Variants in TCF20 observed in about 807,000 individuals in gnomAD.
TCF20 encodes transcription factor 20.
TCF20 carries 3 observed loss-of-function variants against 148.6 expected under a neutral mutation model. That is an observed-to-expected ratio of 0.02 (90% confidence interval 0.01 to 0.05). TCF20 has a LOEUF of 0.05. TCF20 is among the 10% of genes least tolerant of loss of function. The pLI is 1.00. For missense variants in TCF20, 2,350 were observed against 2,429.3 expected (o/e 0.97, Z 0.69); for synonymous variants, 1,049 against 909.5 (o/e 1.15, Z -2.76).
intron 5 of TCF20, among the ~76,000 whole-genome samples, chr22:42,166,444 C>T (rs1191744980): frequency 6.6e-6 from 1 of 152,048 alleles, no homozygotes. Context: ...CCCATCTCTA[C>T]AAAAAATACA....
intron 1 of TCF20, among the ~76,000 whole-genome samples, chr22:42,248,152 G>A (rs1331008633): frequency 6.6e-6 from 1 of 152,240 alleles, no homozygotes; most frequent in African/African-American, 2.4e-5. Context: ...GGAGAACAGG[G>A]CTGAGGGAGA....
In TCF20 at chr22:42,212,562, A is replaced by C. The variant is rs200895127; in HGVS notation, c.2744T>G (p.Val915Gly). ...SQSVILPGGLVSMETKLKSQS... is the reference protein window; with the variant it reads ...SQSVILPGGLGSMETKLKSQS... The stretch of plus-strand genomic sequence containing the variant: ...GGATTTCAGCTTGGTTTCCATGGAC[A>C]CCAAACCACCAGGAAGAATGACCGA... Residue 915 changes from valine (V) to glycine (G), a missense_variant, in exon 2 of 6, where the codon GTG (valine) becomes GGG (glycine). This residue lies in a region of TCF20 where 1,641 missense variants were observed against 1,662.6 expected (regional missense o/e 0.99). Coordinates refer to ENST00000677622, the MANE Select transcript of TCF20 (RefSeq NM_001378418.1). The C allele has an allele frequency of 6.2e-7, 1 of 1,614,014 alleles. No individual in the cohort carries two copies. The highest frequency in any genetic ancestry group is 2.2e-5 in the East Asian group (1 of 44,882).
chr22:42,298,221 G>A (rs755560771), intron 1 of TCF20, among the ~76,000 whole-genome samples: 23 of 152,202 alleles, frequency 1.5e-4, no homozygotes, highest in Non-Finnish European at 3.1e-4. Flanking sequence ...AGCTTCCAGC[G>A]ACTCATCCAA....
At chr22:42,220,841 C>T (rs1922290649) in intron 1 of TCF20, among the ~76,000 whole-genome samples, 1 of 152,170 alleles carries the variant, frequency 6.6e-6, no homozygotes, top group Non-Finnish European at 1.5e-5. Context: ...GCAACCTCAA[C>T]ATATAGCCAC....
At chr22:42,245,259 A>G (rs1023628810) in intron 1 of TCF20, among the ~76,000 whole-genome samples, 13 of 151,840 alleles carry the variant, frequency 8.6e-5, no homozygotes, top group Admixed American at 5.3e-4. Flanking sequence ...GGCTATTTTT[A>G]ATTTTGTAGA....
upstream of TCF20, among the ~76,000 whole-genome samples, chr22:42,270,758 C>CGGGGCGCGCG (rs1241824098): frequency 7.1e-6 from 1 of 141,236 alleles, no homozygotes; most frequent in East Asian, 2.1e-4. Flanking sequence ...GGGGGCGGGG[C>CGGGGCGCGCG]GCTGGGGGCG....
chr22:42,311,408 C>T (rs994421081), intron 1 of TCF20, among the ~76,000 whole-genome samples: 3 of 152,204 alleles, frequency 2.0e-5, no homozygotes, highest in Non-Finnish European at 2.9e-5. Flanking sequence ...GAAACGAGGA[C>T]ATTTTTGCCT....
intron 3 of TCF20, among the ~76,000 whole-genome samples, chr22:42,171,685 C>T (rs1359221664): frequency 6.6e-6 from 1 of 152,190 alleles, no homozygotes; most frequent in African/African-American, 2.4e-5. Flanking sequence ...CTCCAATCTG[C>T]CAGAGAGTTT....
chr22:42,260,339 T>G lies in TCF20; in HGVS notation c.-37+10000A>C, dbSNP rs567177621. Among the ~76,000 whole-genome samples the G allele has an allele frequency of 3.9e-5, 6 of 152,234 alleles. No individual in the cohort carries two copies. In the South Asian group the frequency reaches 1.2e-3, roughly 32 times the overall value. Reference sequence around the variant, plus strand: ...CCTGTTGGCCACCATATGAAAGCAATGAAAGACCACTGGAGCATTTTAGGA... The same window carrying G: ...CCTGTTGGCCACCATATGAAAGCAAGGAAAGACCACTGGAGCATTTTAGGA... On this transcript the variant is annotated intron_variant, in intron 1 of 5. Transcript: ENST00000677622.
At chr22:42,308,620 G>A (rs1292823704) in intron 1 of TCF20, among the ~76,000 whole-genome samples, 23 of 152,130 alleles carry the variant, frequency 1.5e-4, no homozygotes, top group Admixed American at 1.5e-3. Context: ...GCCATGGCAG[G>A]CACAAGGTAT....
chr22:42,179,490 C>CAAAAAAAAAAAA (rs57857271), intron 3 of TCF20, 119 bp downstream of exon 3: 9 of 373,262 alleles, frequency 2.4e-5, no homozygotes, highest in African/African-American at 5.7e-5. Flanking sequence ...TATGAAGTGA[C>CAAAAAAAAAAAA]AAAAAAAAAA....
chr22:42,248,307 A>G (rs1431875019), intron 1 of TCF20, among the ~76,000 whole-genome samples: 1 of 152,232 alleles, frequency 6.6e-6, no homozygotes, highest in Non-Finnish European at 1.5e-5. Context: ...TTGAAGCCAC[A>G]TAGAGTTGCA....
chr22:42,209,635 G>T lies in TCF20; in HGVS notation c.5655+16C>A, dbSNP rs1242241875. ...AAATAAAAATCCCAAGCTGGTAAGAGATTTCTCATACTCACCATCTCTCTG... is the reference window on the plus strand; with the variant it reads ...AAATAAAAATCCCAAGCTGGTAAGATATTTCTCATACTCACCATCTCTCTG... On this transcript the variant is annotated intron_variant, in intron 2 of 5. Coordinates refer to ENST00000677622, the MANE Select transcript of TCF20 (RefSeq NM_001378418.1). 3.2e-6 allele frequency: 5 copies of T among 1,566,632 alleles called. No homozygotes were observed. The highest frequency in any genetic ancestry group is 2.0e-5 in the Admixed American group (1 of 49,416).
chr22:42,316,044 G>A (rs1361434883), intron 1 of TCF20, among the ~76,000 whole-genome samples: 1 of 147,942 alleles, frequency 6.8e-6, no homozygotes, highest in African/African-American at 2.5e-5. Context: ...GGAGGCGGAG[G>A]TTGCAGTGAG....
At position 42,212,559 on chromosome 22, in the gene TCF20, G is replaced by A; in HGVS notation, c.2747C>T (p.Ser916Phe). ...QSVILPGGLV[S>F]METKLKSQSG... is the part of the protein sequence containing the mutation. ...CTGGGATTTCAGCTTGGTTTCCATG[G>A]ACACCAAACCACCAGGAAGAATGAC... Residue 916 changes from serine to phenylalanine, a missense_variant, in exon 2 of 6, where the codon TCC becomes TTC. By Grantham distance (155) the Ser-to-Phe change is radical. Around this residue, in one of 7 missense-constraint regions of TCF20, gnomAD observed 1,641 missense variants for 1,662.6 expected, o/e 0.99. Transcript: ENST00000677622. 6.2e-7 allele frequency: 1 copy of A among 1,613,960 alleles called. No individual in the cohort carries two copies. The highest frequency in any genetic ancestry group is 8.5e-7 in the Non-Finnish European group (1 of 1,179,858).
intron 1 of TCF20, among the ~76,000 whole-genome samples, chr22:42,318,282 A>G (rs1266136449): frequency 6.6e-6 from 1 of 152,226 alleles, no homozygotes; most frequent in East Asian, 1.9e-4. Context: ...ACAAGGCCTC[A>G]GCTCCAGTTA....
At chr22:42,174,843 G>A (rs1018857460) in intron 3 of TCF20, among the ~76,000 whole-genome samples, 2 of 151,968 alleles carry the variant, frequency 1.3e-5, no homozygotes, top group Admixed American at 6.6e-5. Context: ...AGACCATCCC[G>A]GCTAACACGG....
At chr22:42,221,516 G>A (rs544757557) in intron 1 of TCF20, among the ~76,000 whole-genome samples, 1 of 152,272 alleles carries the variant, frequency 6.6e-6, no homozygotes, top group South Asian at 2.1e-4. Context: ...GGGAATGAGA[G>A]ACTTCTATTT....
chr22:42,308,541 C>T (rs538725287), intron 1 of TCF20, among the ~76,000 whole-genome samples: 66 of 152,210 alleles, frequency 4.3e-4, no homozygotes, highest in Admixed American at 3.5e-3. Context: ...GGTGAAGCCA[C>T]GAATCCAACC....
Sources: gnomAD v4.1 joint callset for allele counts (sites outside exome capture counted in the v4.1 genomes callset) on GRCh38, gnomAD v4.1.1 for gene constraint, gnomAD v4.1.1 regional missense constraint, MANE v1.5 for transcripts, NCBI Gene and HGNC (gene_info 2026-07-23, HGNC 2026-07-21) for gene names.